Variants in RSAD2 observed in about 807,000 individuals in gnomAD.
RSAD2 encodes the protein radical S-adenosyl methionine domain containing 2.
In RSAD2, 38 loss-of-function variants were observed where a neutral mutation model predicts 37.7. That is an observed-to-expected ratio of 1.01 (90% CI 0.78 to 1.32). RSAD2 has a LOEUF of 1.32. Among genes scored for constraint, RSAD2 ranks in the 40% most tolerant of loss-of-function variants. The pLI is 0.00. For missense variants in RSAD2, 428 were observed against 437.5 expected, an observed-to-expected ratio of 0.98 and a Z score of 0.19; for synonymous variants, 163 against 157.4, an observed-to-expected ratio of 1.04 and a Z score of -0.27.
intron 5 of RSAD2, 127 bp downstream of exon 5, chr2:6,893,830 T>G (rs533018201): frequency 1.5e-6 from 1 of 647,734 alleles, no homozygotes; most frequent in African/African-American, 1.8e-5. Flanking sequence ...CTTCACAGTT[T>G]GATAGTCAGT....
intron 1 of RSAD2, among the ~76,000 whole-genome samples, chr2:6,880,875 C>T (rs1371896151): frequency 1.3e-5 from 2 of 151,528 alleles, no homozygotes; most frequent in African/African-American, 4.8e-5. Context: ...TAAAGATGCT[C>T]CTAAAATATA....
chr2:6,871,596 C>T (rs78378387), intron 1 of RSAD2, among the ~76,000 whole-genome samples: 8 of 152,302 alleles, frequency 5.3e-5, no homozygotes, highest in East Asian at 1.9e-4. Flanking sequence ...TTTACAGAAA[C>T]GCTGGTTGAA....
intron 2 of RSAD2, among the ~76,000 whole-genome samples, chr2:6,884,992 G>A (rs909443622): frequency 8.5e-5 from 13 of 152,174 alleles, no homozygotes; most frequent in Admixed American, 5.2e-4. Context: ...TCAGGGATGG[G>A]TCTATGTGTT....
chr2:6,886,981 G>A lies in RSAD2; in HGVS notation c.555G>A (p.Glu185=). 1 of 1,614,208 alleles carries A rather than the reference G, an allele frequency of 6.2e-7. No homozygotes were observed. Among genetic ancestry groups the A allele is most frequent in the East Asian group, 2.2e-5 (1 of 44,878 alleles). Residue 185 remains glutamate, a synonymous_variant, in exon 3 of 6, where the codon GAG becomes GAA. Coordinates refer to ENST00000382040, the MANE Select transcript of RSAD2 (RefSeq NM_080657.5). ...CTATCTCCTGTGACAGCTTTGACGA[G>A]GAAGTCAATGTCCTTATTGGCCGTG... is the stretch of plus-strand genomic sequence containing the variant. The part of the protein sequence containing the change: ...ILAISCDSFD[E]EVNVLIGRGQ...
In RSAD2 at chr2:6,868,610, T is replaced by C. The variant is rs138097016; in HGVS notation, c.142+2565T>C. ...GCAAGTTTCAGAGATCACTTAGTTA[T>C]CAAGGAACAGATAAGCTCTCTCCCG... On this transcript the variant is annotated intron_variant, in intron 1 of 5. Coordinates refer to the RSAD2 transcript ENST00000442639. 2.7e-3 allele frequency among the ~76,000 whole-genome samples: 408 copies of C among 152,358 alleles called. 3 individuals are homozygous for C. The highest frequency in any genetic ancestry group is 0.013 in the Admixed American group (192 of 15,310).
chr2:6,876,017 G>C (rs553321702), upstream of RSAD2, among the ~76,000 whole-genome samples: 2 of 152,172 alleles, frequency 1.3e-5, no homozygotes, highest in Non-Finnish European at 2.9e-5. Context: ...TCCCTTGCTC[G>C]TGTGGTCCTA....
At chr2:6,868,914 A>C (rs1302760396) in intron 1 of RSAD2, among the ~76,000 whole-genome samples, 2 of 152,202 alleles carry the variant, frequency 1.3e-5, no homozygotes, top group African/African-American at 4.8e-5. Flanking sequence ...TGTTATGTAC[A>C]CCTGGAGCAA....
chr2:6,890,034 A>G lies in RSAD2; in HGVS notation c.739-142A>G, dbSNP rs561608968. ...TTTCAGGGCTAGCTTTCATTTCCCC[A>G]AAGTAATATCTTTCTAGAATGTTCC... On this transcript the variant is annotated intron_variant, in intron 3 of 5. Coordinates refer to ENST00000382040, the MANE Select transcript of RSAD2 (RefSeq NM_080657.5). 3 of 689,712 alleles carry G rather than the reference A, an allele frequency of 4.3e-6. No individual in the cohort carries two copies. In the Admixed American group the frequency reaches 8.5e-5, roughly 20 times the overall value. 42.7% of individuals were successfully genotyped at this position (689,712 alleles called of 1,614,324 possible).
At chr2:6,888,561 C>G (rs1663568007) in intron 3 of RSAD2, among the ~76,000 whole-genome samples, 1 of 152,158 alleles carries the variant, frequency 6.6e-6, no homozygotes, top group Non-Finnish European at 1.5e-5. Context: ...CCTCATTGTT[C>G]TCTTTTGGTG....
At chr2:6,890,680 A>C (rs1663612603) in intron 4 of RSAD2, among the ~76,000 whole-genome samples, 1 of 152,218 alleles carries the variant, frequency 6.6e-6, no homozygotes. Context: ...ACATAGAAAG[A>C]ACTAACGAAC....
At chr2:6,867,683 G>A (rs1202780181) in intron 1 of RSAD2, among the ~76,000 whole-genome samples, 2 of 152,108 alleles carry the variant, frequency 1.3e-5, no homozygotes, top group African/African-American at 4.8e-5. Context: ...CCACCACTGA[G>A]CACCTTGAGG....
chr2:6,895,353 A>C (rs1048624766), intron 5 of RSAD2, among the ~76,000 whole-genome samples: 1 of 152,316 alleles, frequency 6.6e-6, no homozygotes, highest in Non-Finnish European at 1.5e-5. Flanking sequence ...CATCATTACT[A>C]TTCCAGAAAC....
At chr2:6,884,113 T>C (rs1405530682) in intron 2 of RSAD2, among the ~76,000 whole-genome samples, 3 of 152,356 alleles carry the variant, frequency 2.0e-5, no homozygotes, top group East Asian at 1.9e-4. Context: ...GACTGTCATG[T>C]TGGGAAACAG....
rs1469503905 is a variant in RSAD2 at position 6,886,293 on chromosome 2, G to T, written c.509-642G>T. ...AAAGGTAATTGTGAACACTTGCTGT[G>T]CTCCCAAAACGACACGCTGTCACAG... On this transcript the variant is annotated intron_variant, in intron 2 of 5. Transcript: ENST00000382040. Among the ~76,000 whole-genome samples the T allele has an allele frequency of 2.0e-5, 3 of 152,194 alleles. No homozygotes were observed. The East Asian group carries it at 5.8e-4, about 29-fold the overall frequency.
In RSAD2 at chr2:6,886,992, T is replaced by G. The variant is rs148668582; in HGVS notation, c.566T>G (p.Val189Gly). The G allele has an allele frequency of 2.2e-4, 358 of 1,614,100 alleles. No homozygotes were observed. Among genetic ancestry groups the G allele is most frequent in the Non-Finnish European group, 2.6e-4 (312 of 1,180,034 alleles). Residue 189 changes from valine (V) to glycine (G), a missense_variant, in exon 3 of 6, where the codon GTC (valine) becomes GGC (glycine). Physicochemically the swap from Val to Gly is moderately radical, Grantham distance 109. Coordinates refer to ENST00000382040, the MANE Select transcript of RSAD2 (RefSeq NM_080657.5). ...GACAGCTTTGACGAGGAAGTCAATG[T>G]CCTTATTGGCCGTGGCCAAGGAAAG... ...SCDSFDEEVN[V>G]LIGRGQGKKN...
At chr2:6,892,744 G>T (rs998284749) in intron 4 of RSAD2, among the ~76,000 whole-genome samples, 22 of 143,080 alleles carry the variant, frequency 1.5e-4, no homozygotes, top group Non-Finnish European at 3.4e-4. Flanking sequence ...AGATGATGCT[G>T]ATGCTACTGG....
chr2:6,887,103 G>C lies in RSAD2; in HGVS notation c.677G>C (p.Arg226Pro). The C allele has an allele frequency of 6.2e-7, 1 of 1,614,108 alleles. No homozygotes were observed. The highest frequency in any genetic ancestry group is 8.5e-7 in the Non-Finnish European group (1 of 1,179,940). Residue 226 changes from arginine (R) to proline (P), a missense_variant, in exon 3 of 6, where the codon CGT becomes CCT. Coordinates refer to ENST00000382040, the MANE Select transcript of RSAD2 (RefSeq NM_080657.5). ...TTCAAGATAAATTCTGTCATTAATCGTTTCAACGTGGAAGAGGACATGACG... is the reference window on the plus strand; with the variant it reads ...TTCAAGATAAATTCTGTCATTAATCCTTTCAACGTGGAAGAGGACATGACG... ...VAFKINSVIN[R>P]FNVEEDMTEQ...
At chr2:6,889,684 G>T (rs1335118579) in intron 3 of RSAD2, among the ~76,000 whole-genome samples, 1 of 152,154 alleles carries the variant, frequency 6.6e-6, no homozygotes, top group Non-Finnish European at 1.5e-5. Flanking sequence ...ACACACATTT[G>T]TTTACTTAAA....
chr2:6,877,685 AAAG>A, upstream of RSAD2: 2 of 747,534 alleles, frequency 2.7e-6, no homozygotes, highest in Non-Finnish European at 4.3e-6. Flanking sequence ...AGTGTTAGTC[AAAG>A]AAGGTGTGTC....
Sources: allele counts gnomAD v4.1 joint callset (sites outside exome capture counted in the v4.1 genomes callset), GRCh38; gene constraint gnomAD v4.1.1; transcripts MANE v1.5; gene names NCBI Gene and HGNC (gene_info 2026-07-23, HGNC 2026-07-21).